PARP11: variants seen among roughly 807,000 people sequenced by gnomAD.
PARP11 encodes the protein protein mono-ADP-ribosyltransferase PARP11.
In PARP11, 31 loss-of-function variants were observed where a neutral mutation model predicts 42.9. The ratio of observed to expected loss-of-function variants is 0.72; its 90% CI spans 0.54 to 0.98. The LOEUF is 0.98. PARP11 is among the 50% of genes least tolerant of loss of function. PARP11 has a pLI of 0.00. For missense variants in PARP11, 365 were observed against 413.1 expected, an observed-to-expected ratio of 0.88 and a Z score of 1.01; for synonymous variants, 137 against 127.3, an observed-to-expected ratio of 1.08 and a Z score of -0.51.
intron 1 of PARP11, among the ~76,000 whole-genome samples, chr12:3,852,872 G>C: frequency 6.6e-6 from 1 of 152,150 alleles, no homozygotes; most frequent in Non-Finnish European, 1.5e-5. Flanking sequence ...AATGTTAAGG[G>C]CAGCCAGAGA....
Position 3,873,238 on chromosome 12 carries a change from C to T in PARP11, c.-9G>A. The stretch of plus-strand genomic sequence containing the variant: ...GGATTCGCTTCCCACATAACGGTGA[C>T]AAAATCGAGCGGAGAGAGCCTGTGG... On this transcript the variant is annotated 5_prime_UTR_variant, in exon 1 of 8. Transcript: ENST00000228820. The T allele has an allele frequency of 6.5e-7, 1 of 1,549,166 alleles. No individual in the cohort carries two copies. The highest frequency in any genetic ancestry group is 8.7e-7 in the Non-Finnish European group (1 of 1,145,772).
At chr12:3,868,866 G>A (rs930336445) in intron 1 of PARP11, among the ~76,000 whole-genome samples, 2 of 152,164 alleles carry the variant, frequency 1.3e-5, no homozygotes, top group South Asian at 2.1e-4. Context: ...CACAAACGCA[G>A]TGGCTTAAAA....
chr12:3,839,819 A>T, intron 1 of PARP11: 1 of 1,144,280 alleles, frequency 8.7e-7, no homozygotes, highest in Admixed American at 1.7e-5. Context: ...GAATTGCTGT[A>T]TGAGAAGGTA....
chr12:3,842,518 C>T (rs3816501), intron 1 of PARP11: 42 of 1,559,154 alleles, frequency 2.7e-5, no homozygotes, highest in African/African-American at 2.6e-4. Context: ...GCACGCTTGA[C>T]GGTTGTTGCC....
intron 6 of PARP11, among the ~76,000 whole-genome samples, chr12:3,820,772 T>C (rs1947375942): frequency 6.6e-6 from 1 of 152,194 alleles, no homozygotes; most frequent in South Asian, 2.1e-4. Context: ...AATTAAACTG[T>C]CTAAACTCAG....
intron 1 of PARP11, among the ~76,000 whole-genome samples, chr12:3,872,162 A>T (rs1948495338): frequency 6.6e-6 from 1 of 152,196 alleles, no homozygotes; most frequent in Non-Finnish European, 1.5e-5. Context: ...AGAGGCCAAG[A>T]AGAATCTGAA....
Position 3,826,345 on chromosome 12 carries a change from A to G in PARP11, c.269-112T>C, listed in dbSNP as rs557565893. The G allele has an allele frequency of 3.7e-4, 254 of 694,052 alleles. 1 individual carries two copies. The highest frequency in any genetic ancestry group is 5.4e-4 in the Non-Finnish European group (233 of 434,968). The allele number at this position is 694,052 out of a possible 1,614,324, so 43.0% of individuals were successfully genotyped here. A position where few individuals can be genotyped will look rare whatever the true frequency, so the allele number is the denominator to read the frequency against. On this transcript the variant is annotated intron_variant, in intron 3 of 7. Coordinates refer to ENST00000228820, the MANE Select transcript of PARP11 (RefSeq NM_020367.6). ...TGATCAGGAATCATGGAGCTTCGGGAGTAGCTGGCAAGCATAGTGTATTAT... is the reference window on the plus strand; with the variant it reads ...TGATCAGGAATCATGGAGCTTCGGGGGTAGCTGGCAAGCATAGTGTATTAT...
At chr12:3,839,445 G>C (rs1947842870) in intron 1 of PARP11, 1 of 1,607,384 alleles carries the variant, frequency 6.2e-7, no homozygotes, top group East Asian at 2.2e-5. Flanking sequence ...GCCTGTTCCG[G>C]GCCGTGGCGG....
At position 3,841,388 on chromosome 12, in the gene PARP11, C is replaced by G. The variant is rs1036348462; in HGVS notation, c.19-11370G>C. On this transcript the variant is annotated intron_variant, in intron 1 of 7. Transcript: ENST00000228820. The stretch of plus-strand genomic sequence containing the variant: ...GCCTGCAGGATGTACCCAAAGGTCC[C>G]TGTCCCTGTTTATCTTCATAATCCC... 9.9e-6 allele frequency: 13 copies of G among 1,310,414 alleles called. No individual in the cohort carries two copies. In the African/African-American group the frequency reaches 1.6e-4, roughly 16 times the overall value. 81.2% of individuals were successfully genotyped at this position (1,310,414 alleles called of 1,614,324 possible).
At chr12:3,856,112 A>G (rs912115424) in intron 1 of PARP11, among the ~76,000 whole-genome samples, 5 of 152,218 alleles carry the variant, frequency 3.3e-5, no homozygotes, top group African/African-American at 1.2e-4. Flanking sequence ...ACCTTATATA[A>G]AAATTAATTT....
At chr12:3,863,026 T>C (rs1360800329) in intron 1 of PARP11, among the ~76,000 whole-genome samples, 2 of 152,240 alleles carry the variant, frequency 1.3e-5, no homozygotes, top group African/African-American at 4.8e-5. Flanking sequence ...TTTCGACTTA[T>C]TTAGGTCTTA....
intron 1 of PARP11, among the ~76,000 whole-genome samples, chr12:3,848,233 A>G (rs2138088160): frequency 6.6e-6 from 1 of 152,326 alleles, no homozygotes; most frequent in South Asian, 2.1e-4. Flanking sequence ...AATACTGCCC[A>G]AAGCAATTTA....
chr12:3,840,391 A>G lies in PARP11; in HGVS notation c.19-10373T>C. ...TTCTGATATGGATTACAGAGGGCCA[A>G]AGAATCCAAGCAAGCCAATAAAAGC... On this transcript the variant is annotated intron_variant, in intron 1 of 7. Coordinates refer to ENST00000228820, the MANE Select transcript of PARP11 (RefSeq NM_020367.6). The surrounding 1 kb of genome is among the most constrained non-coding windows in gnomAD (Gnocchi z 4.4). 6.2e-7 allele frequency: 1 copy of G among 1,613,954 alleles called. No individual in the cohort carries two copies. The highest frequency in any genetic ancestry group is 1.1e-5 in the South Asian group (1 of 91,070).
intron 1 of PARP11, among the ~76,000 whole-genome samples, chr12:3,837,773 T>C (rs753432485): frequency 1.5e-4 from 23 of 151,380 alleles, no homozygotes; most frequent in Non-Finnish European, 2.5e-4. Flanking sequence ...TTCCACGCAA[T>C]TGGAAAACAA....
At chr12:3,857,125 CG>C (rs996310882) in intron 1 of PARP11, among the ~76,000 whole-genome samples, 5 of 78,744 alleles carry the variant, frequency 6.3e-5, no homozygotes, top group African/African-American at 2.4e-4. Context: ...CAGGGCCTGT[CG>C]GGGGGTGGGG....
intron 1 of PARP11, among the ~76,000 whole-genome samples, chr12:3,852,017 C>T (rs1948104961): frequency 6.6e-6 from 1 of 152,190 alleles, no homozygotes; most frequent in African/African-American, 2.4e-5. Flanking sequence ...CTCCAGCAAA[C>T]TCCAACAGAC....
chr12:3,812,138 C>A lies in PARP11; in HGVS notation c.1002G>T (p.Leu334Phe). Residue 334 changes from leucine (L) to phenylalanine (F), a missense_variant, in exon 8 of 8, where the codon TTG becomes TTT. Physicochemically the swap from Leu to Phe is conservative, Grantham distance 22 (BLOSUM62 0). Coordinates refer to ENST00000228820, the MANE Select transcript of PARP11 (RefSeq NM_020367.6). ...GGAAGTGAAATCAATGAAAGTCTAT[C>A]AAGTACTCAGGATAGATTTGGTTGG... ...FDANQIYPEY[L>F]IDFH 2 of 1,608,532 alleles carry A rather than the reference C, an allele frequency of 1.2e-6. No homozygotes were observed. Among genetic ancestry groups the A allele is most frequent in the African/African-American group, 1.3e-5 (1 of 74,638 alleles).
At chr12:3,857,004 C>G (rs939953787) in intron 1 of PARP11, among the ~76,000 whole-genome samples, 2 of 152,038 alleles carry the variant, frequency 1.3e-5, no homozygotes, top group Admixed American at 1.3e-4. Flanking sequence ...TGGAAACCAT[C>G]ATTCTGAGCA....
At chr12:3,850,290 T>C (rs1591529291) in intron 1 of PARP11, among the ~76,000 whole-genome samples, 2 of 152,252 alleles carry the variant, frequency 1.3e-5, no homozygotes, top group South Asian at 2.1e-4. Flanking sequence ...ATAATATATA[T>C]AGCATAATTA....
Sources: gnomAD v4.1 joint callset for allele counts (sites outside exome capture counted in the v4.1 genomes callset) on GRCh38, gnomAD v4.1.1 for gene constraint, Gnocchi (gnomAD v3.1) non-coding constraint, MANE v1.5 for transcripts, NCBI Gene and HGNC (gene_info 2026-07-23, HGNC 2026-07-21) for gene names.